Variants in SMC6 observed in about 807,000 individuals in gnomAD.
The protein encoded by SMC6 is structural maintenance of chromosomes protein 6.
In SMC6, 79 loss-of-function variants were observed where a neutral mutation model predicts 142.2. The ratio of observed to expected loss-of-function variants is 0.56; its 90% CI spans 0.46 to 0.67. The LOEUF (loss-of-function observed/expected upper bound fraction) is 0.67. Ranked by LOEUF, SMC6 falls within the 30% of genes least tolerant of loss-of-function variation. The pLI is 0.00. For missense variants in SMC6, 1,072 were observed against 1,284.0 expected (o/e 0.83, Z 2.52); for synonymous variants, 411 against 412.4 (o/e 1.00, Z 0.04).
intron 25 of SMC6, among the ~76,000 whole-genome samples, chr2:17,674,726 C>T: frequency 6.6e-6 from 1 of 152,120 alleles, no homozygotes; most frequent in East Asian, 1.9e-4. Flanking sequence ...TAGGTATATA[C>T]AAATTAAAAA....
At chr2:17,725,880 G>A (rs2125028750) in intron 8 of SMC6, among the ~76,000 whole-genome samples, 1 of 152,050 alleles carries the variant, frequency 6.6e-6, no homozygotes, top group African/African-American at 2.4e-5. Flanking sequence ...TTGAGGCCAG[G>A]ATTTTGAGAC....
At chr2:17,684,803 G>A (rs1667377123) in intron 23 of SMC6, among the ~76,000 whole-genome samples, 1 of 152,284 alleles carries the variant, frequency 6.6e-6, no homozygotes, top group East Asian at 1.9e-4. Flanking sequence ...TCCAGCCTGG[G>A]TGACAGAGCA....
At chr2:17,718,264 A>G (rs773452614) in intron 11 of SMC6, 41 bp from the exon 12 acceptor site, 4 of 1,421,236 alleles carry the variant, frequency 2.8e-6, no homozygotes, top group African/African-American at 1.5e-5. Context: ...TTTTTCTTCA[A>G]TAGAGAGAAT....
intron 16 of SMC6, among the ~76,000 whole-genome samples, chr2:17,712,453 G>A (rs1668872303): frequency 6.6e-6 from 1 of 152,150 alleles, no homozygotes; most frequent in Admixed American, 6.5e-5. Flanking sequence ...TTGAGATGGG[G>A]GCAAGATGTA....
chr2:17,691,313 GGTGT>G (rs770630585), intron 23 of SMC6, among the ~76,000 whole-genome samples: 7 of 101,756 alleles, frequency 6.9e-5, no homozygotes, highest in Non-Finnish European at 1.4e-4. Context: ...ATAGTATTCT[GGTGT>G]GTGTGTGTGT....
At chr2:17,717,904 G>T (rs1413279024) in intron 12 of SMC6, among the ~76,000 whole-genome samples, 173 bp downstream of exon 12, 1 of 150,034 alleles carries the variant, frequency 6.7e-6, no homozygotes, top group Non-Finnish European at 1.5e-5. Flanking sequence ...AGGATAGCGT[G>T]TGCCCAGGAG....
At chr2:17,670,370 C>A (rs935943806) in intron 26 of SMC6, 53 bp downstream of exon 26, 1 of 1,543,420 alleles carries the variant, frequency 6.5e-7, no homozygotes, top group Non-Finnish European at 8.8e-7. Context: ...TTTAGAAATA[C>A]ATGTTTCAAA....
intron 16 of SMC6, chr2:17,713,505 G>A (rs1474178809): frequency 2.1e-6 from 1 of 471,124 alleles, no homozygotes; most frequent in South Asian, 1.5e-5. Context: ...GCAGTGCCAG[G>A]CACTCTTCTT....
intron 23 of SMC6, among the ~76,000 whole-genome samples, chr2:17,685,767 G>T (rs374371446): frequency 2.0e-4 from 31 of 152,124 alleles, no homozygotes; most frequent in African/African-American, 6.5e-4. Context: ...AAATCCAGAT[G>T]TAATCAAAGA....
chr2:17,743,000 A>G (rs897419962), intron 3 of SMC6, among the ~76,000 whole-genome samples: 3 of 152,176 alleles, frequency 2.0e-5, no homozygotes, highest in Non-Finnish European at 4.4e-5. Context: ...TGCACTTTCT[A>G]AAATGTTAAA....
Position 17,725,382 on chromosome 2 carries a change from C to T in SMC6, c.625-24G>A, listed in dbSNP as rs188177002. ...AACTATTATCAATAACAAAAAAAAA[C>T]GCAATTAGGAGTTTGTAAACTTCCA... is the stretch of plus-strand genomic sequence containing the variant. On this transcript the variant is annotated intron_variant, in intron 8 of 27. Coordinates refer to ENST00000448223, the MANE Select transcript of SMC6 (RefSeq NM_001142286.2). 815 of 1,488,366 alleles carry T rather than the reference C, an allele frequency of 5.5e-4. 2 individuals carry two copies. The African/African-American group carries it at 7.4e-3, about 13-fold the overall frequency. The allele number at this position is 1,488,366 out of a possible 1,614,324, so 92.2% of individuals were successfully genotyped here.
chr2:17,688,056 A>G (rs1395893425), intron 23 of SMC6, among the ~76,000 whole-genome samples: 1 of 152,160 alleles, frequency 6.6e-6, no homozygotes, highest in African/African-American at 2.4e-5. Flanking sequence ...GGTTAAGGTT[A>G]AAAAGCCCTT....
intron 2 of SMC6, among the ~76,000 whole-genome samples, chr2:17,752,149 G>A (rs1671073801): frequency 6.6e-6 from 1 of 152,082 alleles, no homozygotes; most frequent in Non-Finnish European, 1.5e-5. Flanking sequence ...CAATCCCTAA[G>A]AATTGGTTCC....
intron 21 of SMC6, among the ~76,000 whole-genome samples, chr2:17,699,530 T>C (rs1668170125): frequency 1.3e-5 from 2 of 152,124 alleles, no homozygotes; most frequent in South Asian, 4.1e-4. Context: ...TTAAGTACTT[T>C]TTCAGTCATG....
chr2:17,689,466 T>C (rs1241897745), intron 23 of SMC6, among the ~76,000 whole-genome samples: 1 of 152,176 alleles, frequency 6.6e-6, no homozygotes. Context: ...TTAGGGAATA[T>C]ATTGAAGTAC....
chr2:17,704,865 C>A (rs1668427620), intron 18 of SMC6, among the ~76,000 whole-genome samples: 1 of 151,538 alleles, frequency 6.6e-6, no homozygotes. Flanking sequence ...GGGCCAGGTG[C>A]AAAAATTTAA....
Position 17,701,069 on chromosome 2 carries a change from TAC to T in SMC6, c.2224-693_2224-692del, listed in dbSNP as rs1668249642. 2.3e-5 allele frequency among the ~76,000 whole-genome samples: 3 copies of T among 132,546 alleles called. No homozygotes were observed. In the East Asian group the frequency reaches 6.7e-4, roughly 30 times the overall value. 87.0% of individuals were successfully genotyped at this position (132,546 alleles called of 152,430 possible). On this transcript the variant is annotated intron_variant, in intron 20 of 27. Transcript: ENST00000448223. The stretch of plus-strand genomic sequence containing the variant: ...ATAATAATAATAATAATAATAATAA[TAC>T]AAAAATTTAGTCTATCAAAAAAAGG...
At chr2:17,666,941 CA>C (rs1461941020) in intron 26 of SMC6, among the ~76,000 whole-genome samples, 1 of 152,082 alleles carries the variant, frequency 6.6e-6, no homozygotes, top group Non-Finnish European at 1.5e-5. Flanking sequence ...ATGATCGCAC[CA>C]TTGTACTCTA....
chr2:17,737,076 T>A (rs1456358934), intron 5 of SMC6, among the ~76,000 whole-genome samples: 1 of 152,158 alleles, frequency 6.6e-6, no homozygotes, highest in Non-Finnish European at 1.5e-5. Context: ...AGACAGAAAC[T>A]ATGCTGGAAA....
Sources: allele counts gnomAD v4.1 joint callset (sites outside exome capture counted in the v4.1 genomes callset), GRCh38; gene constraint gnomAD v4.1.1; transcripts MANE v1.5; gene names NCBI Gene and HGNC (gene_info 2026-07-23, HGNC 2026-07-21).